Variants in HCN1 observed in about 807,000 individuals in gnomAD.
HCN1 encodes potassium/sodium hyperpolarization-activated cyclic nucleotide-gated channel 1.
Under a neutral mutation model 78.9 loss-of-function variants are expected in HCN1, and 13 were observed. The observed-to-expected ratio is 0.16, with a 90% CI of 0.11 to 0.26. The LOEUF is 0.26. Among genes scored for constraint, HCN1 ranks in the 10% least tolerant of loss-of-function variants. The pLI, the probability that HCN1 is intolerant of heterozygous loss-of-function variation, is 1.00. For synonymous variants in HCN1, 552 were observed against 455.5 expected (o/e 1.21, Z -2.70); for missense variants, 810 against 1,154.3 (o/e 0.70, Z 4.32).
In HCN1 at chr5:45,544,536, C is replaced by T. The variant is rs1303006272; in HGVS notation, c.850-82529G>A. Among the ~76,000 whole-genome samples, 2 of 151,950 alleles carry T rather than the reference C, an allele frequency of 1.3e-5. 1 individual carries two copies. Among genetic ancestry groups the T allele is most frequent in the Non-Finnish European group, 2.9e-5 (2 of 67,972 alleles). ...TGTATACATGTGCCATGTTGGTGTG[C>T]TGCACCCGTTAAATTGTCATTTACA... On this transcript the variant is annotated intron_variant, in intron 2 of 7. Transcript: ENST00000303230.
intron 1 of HCN1, among the ~76,000 whole-genome samples, chr5:45,668,697 C>A (rs1329673190): frequency 6.6e-6 from 1 of 151,800 alleles, no homozygotes; most frequent in Admixed American, 6.6e-5. Context: ...TAAATTCTGA[C>A]CTTTATGGAT....
At chr5:45,355,153 T>G (rs900436575) in intron 4 of HCN1, among the ~76,000 whole-genome samples, 1 of 152,076 alleles carries the variant, frequency 6.6e-6, no homozygotes, top group Non-Finnish European at 1.5e-5. Context: ...AGTATTTGAC[T>G]AAATGATCTT....
chr5:45,480,327 T>G (rs1741622214), intron 2 of HCN1, among the ~76,000 whole-genome samples: 1 of 152,220 alleles, frequency 6.6e-6, no homozygotes, highest in Non-Finnish European at 1.5e-5. Flanking sequence ...GTGTTATTGT[T>G]TTAATTAAGT....
chr5:45,596,047 A>G (rs887267659), intron 2 of HCN1, among the ~76,000 whole-genome samples: 1 of 151,502 alleles, frequency 6.6e-6, no homozygotes, highest in African/African-American at 2.4e-5. Flanking sequence ...AGGGGACCAC[A>G]ACCACACCCG....
intron 3 of HCN1, among the ~76,000 whole-genome samples, chr5:45,408,276 C>T (rs966245810): frequency 1.3e-5 from 2 of 152,174 alleles, no homozygotes; most frequent in African/African-American, 4.8e-5. Flanking sequence ...TGCCTTACTA[C>T]TCCCTGACTC....
At chr5:45,349,344 T>C (rs1431636365) in intron 5 of HCN1, among the ~76,000 whole-genome samples, 4 of 152,064 alleles carry the variant, frequency 2.6e-5, no homozygotes. Flanking sequence ...AGACACAACA[T>C]AACAGAATCT....
chr5:45,618,698 GAACA>G (rs1261374537), intron 2 of HCN1, among the ~76,000 whole-genome samples: 3 of 151,936 alleles, frequency 2.0e-5, no homozygotes, highest in Non-Finnish European at 4.4e-5. Context: ...CATTTTGAAA[GAACA>G]AATTCCATAT....
At chr5:45,468,321 G>A (rs1266036285) in intron 2 of HCN1, among the ~76,000 whole-genome samples, 1 of 152,152 alleles carries the variant, frequency 6.6e-6, no homozygotes, top group East Asian at 1.9e-4. Flanking sequence ...TTATAGAACA[G>A]AATGTATTCT....
At chr5:45,444,209 T>A (rs915636841) in intron 3 of HCN1, among the ~76,000 whole-genome samples, 1 of 152,180 alleles carries the variant, frequency 6.6e-6, no homozygotes, top group African/African-American at 2.4e-5. Flanking sequence ...TCAAGTGAGT[T>A]CAGTAAGAGG....
In HCN1 at chr5:45,657,861, A is replaced by G. The variant is rs555265625; in HGVS notation, c.426-12253T>C. On this transcript the variant is annotated intron_variant, in intron 1 of 7. Coordinates refer to ENST00000303230, the MANE Select transcript of HCN1 (RefSeq NM_021072.4). ...ATGCCATCCCCATCAAGCTACCAAT[A>G]ACTTTCTTCACAGAATTGGAAAAAA... Among the ~76,000 whole-genome samples the G allele has an allele frequency of 1.2e-3, 182 of 152,264 alleles. 1 individual carries two copies. The highest frequency in any genetic ancestry group is 4.2e-3 in the African/African-American group (176 of 41,546).
At chr5:45,523,887 G>A (rs1284043756) in intron 2 of HCN1, among the ~76,000 whole-genome samples, 3 of 152,082 alleles carry the variant, frequency 2.0e-5, no homozygotes, top group African/African-American at 7.2e-5. Flanking sequence ...TGTCAATTTT[G>A]GCTTTTGTTG....
intron 3 of HCN1, among the ~76,000 whole-genome samples, chr5:45,446,393 G>A (rs1365902534): frequency 6.6e-6 from 1 of 152,144 alleles, no homozygotes; most frequent in Non-Finnish European, 1.5e-5. Context: ...TATGTGAAAA[G>A]ACCAAATCTA....
chr5:45,516,017 G>A (rs1383825558), intron 2 of HCN1, among the ~76,000 whole-genome samples: 1 of 151,784 alleles, frequency 6.6e-6, no homozygotes. Context: ...ATTCTAAATT[G>A]AGAAACCTCA....
intron 5 of HCN1, among the ~76,000 whole-genome samples, chr5:45,349,301 A>C (rs961177033): frequency 3.3e-5 from 5 of 152,226 alleles, no homozygotes; most frequent in Non-Finnish European, 5.9e-5. Flanking sequence ...TGAAGGCAGA[A>C]ATAAAGATGT....
intron 2 of HCN1, among the ~76,000 whole-genome samples, chr5:45,550,037 T>A (rs1003841481): frequency 2.0e-5 from 3 of 152,118 alleles, no homozygotes; most frequent in African/African-American, 7.2e-5. Flanking sequence ...GGAACACTTT[T>A]ACACTGTTGG....
At chr5:45,576,721 A>C (rs529708274) in intron 2 of HCN1, 1 of 152,254 alleles carries the variant, frequency 6.6e-6, no homozygotes, top group African/African-American at 2.4e-5. Context: ...TAGTGTAAAC[A>C]TAACATTTAT....
intron 1 of HCN1, among the ~76,000 whole-genome samples, chr5:45,649,896 A>G (rs1303379529): frequency 6.6e-6 from 1 of 152,120 alleles, no homozygotes; most frequent in East Asian, 1.9e-4. Flanking sequence ...TCTTGCATAT[A>G]GATCTGGATT....
At chr5:45,563,453 A>C (rs1477640773) in intron 2 of HCN1, among the ~76,000 whole-genome samples, 1 of 152,044 alleles carries the variant, frequency 6.6e-6, no homozygotes, top group Non-Finnish European at 1.5e-5. Context: ...CTCCATCTCA[A>C]AAAAATAAAT....
At position 45,399,228 on chromosome 5, in the gene HCN1, C is replaced by G. The variant is rs536647445; in HGVS notation, c.1012-2518G>C. 5.4e-4 allele frequency among the ~76,000 whole-genome samples: 82 copies of G among 152,278 alleles called. 1 individual carries two copies. The South Asian group carries it at 0.016, about 30-fold the overall frequency. ...GGGACCAGTCCTGGTTTGGCCACAT[C>G]AGGGACACATAGCATCTAGACTGCT... is the stretch of plus-strand genomic sequence containing the variant. On this transcript the variant is annotated intron_variant, in intron 3 of 7. Coordinates refer to ENST00000303230, the MANE Select transcript of HCN1 (RefSeq NM_021072.4).
Sources: gnomAD v4.1 joint callset for allele counts (sites outside exome capture counted in the v4.1 genomes callset) on GRCh38, gnomAD v4.1.1 for gene constraint, MANE v1.5 for transcripts, NCBI Gene and HGNC (gene_info 2026-07-23, HGNC 2026-07-21) for gene names.